DCHS2: variants seen among roughly 807,000 people sequenced by gnomAD.
DCHS2 encodes protocadherin-23.
In DCHS2, 142 loss-of-function variants were observed where a neutral mutation model predicts 182.4. The observed-to-expected ratio is 0.78, with a 90% CI of 0.68 to 0.89. DCHS2 has a LOEUF of 0.89. DCHS2 is among the 40% of genes least tolerant of loss of function. The pLI is 0.00. For synonymous variants in DCHS2, 1,740 were observed against 1,663.3 expected (o/e 1.05, Z -1.12); for missense variants, 4,319 against 4,198.6 (o/e 1.03, Z -0.79).
At chr4:154,331,510 G>A in intron 5 of DCHS2, 1 of 1,502,510 alleles carries the variant, frequency 6.7e-7, no homozygotes, top group Admixed American at 2.0e-5. Flanking sequence ...GAATGAGAGT[G>A]GAAAGGCAGC....
At chr4:154,403,459 T>TTTTCAAA (rs1732275971) in intron 1 of DCHS2, among the ~76,000 whole-genome samples, 1 of 152,214 alleles carries the variant, frequency 6.6e-6, no homozygotes, top group Non-Finnish European at 1.5e-5. Context: ...TTTACATTGA[T>TTTTCAAA]TTTCAAATGT....
At chr4:154,414,264 C>G (rs983554793) in intron 1 of DCHS2, among the ~76,000 whole-genome samples, 3 of 151,466 alleles carry the variant, frequency 2.0e-5, no homozygotes, top group Non-Finnish European at 2.9e-5. Context: ...GAAGAAGATT[C>G]GAAAACACTA....
In DCHS2 at chr4:154,237,105, T is replaced by A; in HGVS notation, c.7547A>T (p.Gln2516Leu). ...ACCATCACTGGCTTCCACAAGAAAT[T>A]GAGTTGTTGATATTGTATCCAGAAG... Reference protein sequence around the residue: ...VLLLDTISTTQFLVEASDGGN... With the variant: ...VLLLDTISTTLFLVEASDGGN... Residue 2516 changes from glutamine (Q) to leucine (L), a missense_variant, in exon 20 of 20, where the codon CAA (glutamine) becomes CTA (leucine). Transcript: ENST00000357232. The A allele has an allele frequency of 1.2e-6, 2 of 1,613,220 alleles. No individual in the cohort carries two copies. The highest frequency in any genetic ancestry group is 1.7e-6 in the Non-Finnish European group (2 of 1,179,834).
At chr4:154,304,968 G>T (rs150254990) in intron 11 of DCHS2, 90 bp from the exon 12 acceptor site, 15 of 1,510,960 alleles carry the variant, frequency 9.9e-6, no homozygotes, top group Non-Finnish European at 1.1e-5. Flanking sequence ...AGGCTAACCA[G>T]GTAGCACTGG....
intron 1 of DCHS2, among the ~76,000 whole-genome samples, chr4:154,416,237 C>G (rs985988963): frequency 5.9e-5 from 9 of 152,080 alleles, no homozygotes; most frequent in Non-Finnish European, 1.3e-4. Context: ...ACAGGATAGG[C>G]CCCGAGGACA....
intron 1 of DCHS2, among the ~76,000 whole-genome samples, chr4:154,408,131 T>G (rs78661829): frequency 0.013 from 1,979 of 152,362 alleles, 21 homozygotes; most frequent in Non-Finnish European, 0.022. Context: ...AATACTAATA[T>G]AACTTTAAAA....
intron 3 of DCHS2, among the ~76,000 whole-genome samples, chr4:154,354,989 C>T (rs1350589499): frequency 6.6e-6 from 1 of 152,004 alleles, no homozygotes; most frequent in Non-Finnish European, 1.5e-5. Context: ...CTGCCATCAA[C>T]CAATTAAAAT....
In DCHS2 at chr4:154,473,745, G is replaced by A. The variant is rs529279795; in HGVS notation, c.2052+15559C>T. On this transcript the variant is annotated intron_variant, in intron 1 of 19. Transcript: ENST00000357232. ...AAAACCATCTGCAGCAGAGAGATAC[G>A]GCCCCTCCCACTGATCTTCTTGTAA... 6.6e-5 allele frequency among the ~76,000 whole-genome samples: 10 copies of A among 152,166 alleles called. No homozygotes were observed. In the South Asian group the frequency reaches 1.5e-3, roughly 22 times the overall value.
At chr4:154,325,108 T>G (rs1460369584) in intron 7 of DCHS2, among the ~76,000 whole-genome samples, 4 of 152,148 alleles carry the variant, frequency 2.6e-5, no homozygotes, top group Non-Finnish European at 4.4e-5. Context: ...TTTTCAATAT[T>G]TTTTCAATTT....
Position 154,491,412 on chromosome 4 carries a change from G to T in DCHS2, c.-57C>A. ...GTAACTGCCAGCTTGTGGCAGGATC[G>T]CAGAAAAATCCAGGAGCCTCTTCAG... is the stretch of plus-strand genomic sequence containing the variant. On this transcript the variant is annotated 5_prime_UTR_variant, in exon 1 of 20. Transcript: ENST00000357232. 1.4e-6 allele frequency: 2 copies of T among 1,445,794 alleles called. No homozygotes were observed. The highest frequency in any genetic ancestry group is 5.0e-5 in the East Asian group (2 of 39,754). 89.6% of individuals were successfully genotyped at this position (1,445,794 alleles called of 1,614,324 possible).
Position 154,298,228 on chromosome 4 carries a change from G to A in DCHS2, c.6086C>T (p.Thr2029Ile), listed in dbSNP as rs755026769. 5 of 1,613,984 alleles carry A rather than the reference G, an allele frequency of 3.1e-6. No homozygotes were observed. Among genetic ancestry groups the A allele is most frequent in the African/African-American group, 2.7e-5 (2 of 74,904 alleles). ...AACTGGATCATTGTCATTAACATCA[G>A]TGACATATACTTTTATAATTACAGT... ...STTVIIKVYV[T>I]DVNDNDPVLE... The change falls in exon 13 of 20, where the codon ACT (threonine) becomes ATT (isoleucine). Residue 2029 changes from threonine to isoleucine, a missense_variant. By Grantham distance (89) the Thr-to-Ile change is moderately conservative (BLOSUM62 -1). Coordinates refer to ENST00000357232, the MANE Select transcript of DCHS2 (RefSeq NM_001358235.2).
In DCHS2 at chr4:154,489,912, G is replaced by C. The variant is rs1189232022; in HGVS notation, c.1444C>G (p.Pro482Ala). 6.5e-7 allele frequency: 1 copy of C among 1,539,430 alleles called. No homozygotes were observed. The highest frequency in any genetic ancestry group is 2.5e-5 in the East Asian group (1 of 40,620). The change falls in exon 1 of 20, where the codon CCC (proline) becomes GCC (alanine). Residue 482 changes from proline to alanine, a missense_variant. Physicochemically the swap from Pro to Ala is conservative, Grantham distance 27 (BLOSUM62 -1). Coordinates refer to ENST00000357232, the MANE Select transcript of DCHS2 (RefSeq NM_001358235.2). Reference sequence around the variant, plus strand: ...AAAAATACCCCTGGGGGGCCGCCGGGTAGCAACGCGAAGTCTCCCTCTCCG... The same window carrying C: ...AAAAATACCCCTGGGGGGCCGCCGGCTAGCAACGCGAAGTCTCCCTCTCCG... ...EGGEGDFALL[P>A]GGPPGVFFLC...
chr4:154,242,851 T>C, intron 16 of DCHS2, 79 bp from the exon 17 acceptor site: 1 of 1,475,708 alleles, frequency 6.8e-7, no homozygotes, highest in Non-Finnish European at 8.9e-7. Context: ...AATATCTAGT[T>C]GAAAATTTTA....
At chr4:154,443,679 C>A (rs1007849084) in intron 1 of DCHS2, among the ~76,000 whole-genome samples, 1 of 152,194 alleles carries the variant, frequency 6.6e-6, no homozygotes, top group African/African-American at 2.4e-5. Context: ...TATTACATAT[C>A]ATAGGCATCA....
intron 1 of DCHS2, among the ~76,000 whole-genome samples, chr4:154,440,954 C>A (rs1378864012): frequency 6.6e-6 from 1 of 152,170 alleles, no homozygotes; most frequent in Admixed American, 6.6e-5. Flanking sequence ...TTATAATGTG[C>A]AAAAGGCATA....
intron 1 of DCHS2, among the ~76,000 whole-genome samples, chr4:154,415,665 G>A (rs997473850): frequency 2.0e-5 from 3 of 152,080 alleles, no homozygotes; most frequent in Non-Finnish European, 2.9e-5. Flanking sequence ...CTAAAGCTAC[G>A]GTATCTCCAG....
chr4:154,333,174 CGTTCCGCCCACT>C lies in DCHS2; in HGVS notation c.3022_3033del (p.Ser1008_Asn1011del). On this transcript the variant is annotated inframe_deletion, in exon 5 of 20. Coordinates refer to ENST00000357232, the MANE Select transcript of DCHS2 (RefSeq NM_001358235.2). Reference sequence around the variant, plus strand: ...CTGGCGATGGAGTACCGGATGAGTCCGTTCCGCCCACTGTCTCTGTCTTCCGCACGTGCGAGG... The same window carrying C: ...CTGGCGATGGAGTACCGGATGAGTCCGTCTCTGTCTTCCGCACGTGCGAGG... The C allele has an allele frequency of 6.2e-7, 1 of 1,614,186 alleles. No homozygotes were observed. The highest frequency in any genetic ancestry group is 1.1e-5 in the South Asian group (1 of 91,084).
intron 1 of DCHS2, among the ~76,000 whole-genome samples, chr4:154,473,293 A>T (rs1735549510): frequency 6.6e-6 from 1 of 152,186 alleles, no homozygotes; most frequent in Admixed American, 6.5e-5. Flanking sequence ...GTTGGGGAGC[A>T]CTTCATCATG....
chr4:154,313,039 C>A (rs973372822), intron 10 of DCHS2, among the ~76,000 whole-genome samples: 1 of 152,138 alleles, frequency 6.6e-6, no homozygotes, highest in Non-Finnish European at 1.5e-5. Context: ...TTGAAGATGA[C>A]CCCAGAAACA....
Sources: allele counts gnomAD v4.1 joint callset (sites outside exome capture counted in the v4.1 genomes callset), GRCh38; gene constraint gnomAD v4.1.1; transcripts MANE v1.5; gene names NCBI Gene and HGNC (gene_info 2026-07-23, HGNC 2026-07-21).